UVRAG: variants seen among roughly 807,000 people sequenced by gnomAD.
UVRAG encodes UV radiation resistance-associated gene protein.
Under a neutral mutation model 78.0 loss-of-function variants are expected in UVRAG, and 19 were observed. The observed-to-expected ratio is 0.24, with a 90% confidence interval of 0.17 to 0.36. The LOEUF is 0.36. Among genes scored for constraint, UVRAG ranks in the 10% least tolerant of loss-of-function variants. The probability of loss-of-function intolerance (pLI) is 1.00; values close to 1 mark genes in which losing one functional copy is unlikely to be tolerated. For synonymous variants in UVRAG, 323 were observed against 324.6 expected, an observed-to-expected ratio of 1.00 and a Z score of 0.05; for missense variants, 740 against 853.8, an observed-to-expected ratio of 0.87 and a Z score of 1.66.
chr11:75,983,449 G>A lies in UVRAG; in HGVS notation c.762G>A (p.Gln254=), dbSNP rs1483476140. ...ILVLQNELER[Q]KKALGREVAL... ...TGCTTCAGAATGAACTGGAACGGCAGAAGAAAGCTTTGGGACGGGAGGTGG... is the reference window on the plus strand; with the variant it reads ...TGCTTCAGAATGAACTGGAACGGCAAAAGAAAGCTTTGGGACGGGAGGTGG... Residue 254 remains glutamine, a synonymous_variant, in exon 8 of 15, where the codon CAG becomes CAA. Coordinates refer to ENST00000356136, the MANE Select transcript of UVRAG (RefSeq NM_003369.4). 5 of 1,611,392 alleles carry A rather than the reference G, an allele frequency of 3.1e-6. No individual in the cohort carries two copies. In the African/African-American group the frequency reaches 5.3e-5, roughly 17 times the overall value.
intron 13 of UVRAG, among the ~76,000 whole-genome samples, chr11:76,105,475 C>G (rs191168318): frequency 6.6e-6 from 1 of 152,250 alleles, no homozygotes; most frequent in African/African-American, 2.4e-5. Context: ...AGGCCAGGTG[C>G]TATGGCTTAC....
At chr11:76,001,567 TA>T in intron 8 of UVRAG, among the ~76,000 whole-genome samples, 2 of 152,036 alleles carry the variant, frequency 1.3e-5, no homozygotes, top group Middle Eastern at 6.8e-3. Flanking sequence ...ATTAACTAAG[TA>T]AAAAGAGAGA....
At chr11:76,039,420 C>T (rs1006805595) in intron 12 of UVRAG, among the ~76,000 whole-genome samples, 1 of 152,092 alleles carries the variant, frequency 6.6e-6, no homozygotes, top group South Asian at 2.1e-4. Flanking sequence ...TCAGAAGGCA[C>T]ATAAGGATGC....
At chr11:75,917,576 CTT>C (rs1441743273) in intron 6 of UVRAG, among the ~76,000 whole-genome samples, 3 of 152,182 alleles carry the variant, frequency 2.0e-5, no homozygotes, top group East Asian at 1.9e-4. Flanking sequence ...CTCTACCTCT[CTT>C]TTGGATTTCC....
chr11:76,031,866 A>C (rs1950444175), intron 12 of UVRAG, among the ~76,000 whole-genome samples: 1 of 152,220 alleles, frequency 6.6e-6, no homozygotes, highest in South Asian at 2.1e-4. Context: ...TAGTTCATGG[A>C]CTATTTGCAG....
chr11:75,851,156 A>G (rs989030492), intron 1 of UVRAG, among the ~76,000 whole-genome samples: 1 of 152,194 alleles, frequency 6.6e-6, no homozygotes, highest in Non-Finnish European at 1.5e-5. Flanking sequence ...TTTTTGATAT[A>G]TGAGTTGATT....
At chr11:76,074,245 G>A (rs904654128) in intron 13 of UVRAG, among the ~76,000 whole-genome samples, 8 of 152,228 alleles carry the variant, frequency 5.3e-5, no homozygotes, top group African/African-American at 1.9e-4. Context: ...AAACTTTTGA[G>A]AACCACTGTC....
intron 8 of UVRAG, among the ~76,000 whole-genome samples, chr11:76,003,510 C>T (rs1453336734): frequency 5.9e-5 from 9 of 151,914 alleles, no homozygotes; most frequent in Admixed American, 2.6e-4. Context: ...CATGAGCCAC[C>T]GCACCTGGCC....
intron 13 of UVRAG, among the ~76,000 whole-genome samples, chr11:76,080,915 G>A (rs923075818): frequency 6.6e-6 from 1 of 152,174 alleles, no homozygotes; most frequent in Non-Finnish European, 1.5e-5. Flanking sequence ...CTTGATAACT[G>A]TGGCCTTGTG....
intron 2 of UVRAG, among the ~76,000 whole-genome samples, chr11:75,859,652 G>A (rs1946375887): frequency 6.6e-6 from 1 of 152,044 alleles, no homozygotes. Flanking sequence ...CCTATCCAGG[G>A]TCACAAAGAT....
chr11:76,041,556 G>A (rs1950648721), intron 12 of UVRAG, among the ~76,000 whole-genome samples: 1 of 152,238 alleles, frequency 6.6e-6, no homozygotes, highest in Admixed American at 6.5e-5. Flanking sequence ...GTGGATTACT[G>A]TGTCTAACAC....
At chr11:75,911,470 C>A in intron 5 of UVRAG, 1 of 172,424 alleles carries the variant, frequency 5.8e-6, no homozygotes, top group South Asian at 1.6e-4. Context: ...GGAGCTCTCT[C>A]GTTGTGGGTG....
chr11:76,055,947 G>A (rs1472944095), intron 12 of UVRAG, among the ~76,000 whole-genome samples: 1 of 152,182 alleles, frequency 6.6e-6, no homozygotes, highest in East Asian at 1.9e-4. Flanking sequence ...CTGACCTTGT[G>A]ATCTGCCCAC....
At chr11:76,102,046 T>C (rs569112276) in intron 13 of UVRAG, among the ~76,000 whole-genome samples, 2 of 152,324 alleles carry the variant, frequency 1.3e-5, no homozygotes, top group South Asian at 4.1e-4. Flanking sequence ...TTGCTTAGGA[T>C]TGCCTTGGCT....
chr11:75,854,850 C>A (rs186445917), intron 2 of UVRAG, among the ~76,000 whole-genome samples: 65 of 152,238 alleles, frequency 4.3e-4, no homozygotes, highest in African/African-American at 1.2e-3. Context: ...AACATTTAGT[C>A]TACTGCTCAC....
At chr11:75,849,493 C>CAAA (rs59733905) in intron 1 of UVRAG, among the ~76,000 whole-genome samples, 2 of 112,230 alleles carry the variant, frequency 1.8e-5, no homozygotes, top group Admixed American at 9.5e-5. Context: ...GACTCCATCT[C>CAAA]AAAAAAAAAA....
At chr11:75,850,243 A>G (rs529853365) in intron 1 of UVRAG, among the ~76,000 whole-genome samples, 26 of 152,304 alleles carry the variant, frequency 1.7e-4, no homozygotes, top group Non-Finnish European at 2.8e-4. Flanking sequence ...ATTTAGTTCT[A>G]GGGTTGCCTT....
At chr11:76,082,331 G>A (rs1251181622) in intron 13 of UVRAG, among the ~76,000 whole-genome samples, 2 of 151,818 alleles carry the variant, frequency 1.3e-5, no homozygotes, top group African/African-American at 4.8e-5. Flanking sequence ...ACGAGGTCAG[G>A]AGATCGAGAC....
intron 14 of UVRAG, among the ~76,000 whole-genome samples, chr11:76,122,605 C>A (rs1952305298): frequency 6.6e-6 from 1 of 152,120 alleles, no homozygotes; most frequent in African/African-American, 2.4e-5. Flanking sequence ...TCAAATGCAT[C>A]CTTTGCTGTA....
Sources: gnomAD v4.1 joint callset for allele counts (sites outside exome capture counted in the v4.1 genomes callset) on GRCh38, gnomAD v4.1.1 for gene constraint, MANE v1.5 for transcripts, NCBI Gene and HGNC (gene_info 2026-07-23, HGNC 2026-07-21) for gene names.